Variants in SYNE1 observed in about 807,000 individuals in gnomAD.
SYNE1 encodes the protein nesprin-1.
Under a neutral mutation model 1,111.0 loss-of-function variants are expected in SYNE1, and 616 were observed. The observed-to-expected ratio is 0.55, with a 90% CI of 0.52 to 0.59. The LOEUF is 0.59. Ranked by LOEUF, SYNE1 falls within the 20% of genes least tolerant of loss-of-function variation. The probability of loss-of-function intolerance (pLI) is 0.00; values close to 1 mark genes in which losing one functional copy is unlikely to be tolerated. For synonymous variants in SYNE1, 3,855 were observed against 3,825.8 expected, an observed-to-expected ratio of 1.01 and a Z score of -0.28; for missense variants, 10,006 against 10,417.0, an observed-to-expected ratio of 0.96 and a Z score of 1.72.
At chr6:152,344,614 T>A (rs891727878) in intron 73 of SYNE1, among the ~76,000 whole-genome samples, 3 of 152,160 alleles carry the variant, frequency 2.0e-5, no homozygotes, top group African/African-American at 7.2e-5. Flanking sequence ...AGCTAGCAAC[T>A]AAAAGTAAAA....
chr6:152,472,855 C>T (rs1302006921), intron 14 of SYNE1, among the ~76,000 whole-genome samples: 1 of 152,112 alleles, frequency 6.6e-6, no homozygotes, highest in Admixed American at 6.5e-5. Context: ...TGAATGCATG[C>T]AGACTATTAT....
rs990136853 is a variant in SYNE1, at chr6:152,419,705, G to C, written c.5285C>G (p.Ser1762Cys). Residue 1762 changes from serine to cysteine, a missense_variant, in exon 40 of 146, where the codon TCT becomes TGT. Physicochemically the swap from Ser to Cys is moderately radical, Grantham distance 112 (BLOSUM62 -1). This residue lies in a region of SYNE1 where 1,971 missense variants were observed against 2,084.1 expected (regional missense o/e 0.95). Coordinates refer to ENST00000367255, the MANE Select transcript of SYNE1 (RefSeq NM_182961.4). ...AAATTGCTGGTGTTCAGCAACCACAGACTGAAGAAAATTAATCCTATGTAG... is the reference window on the plus strand; with the variant it reads ...AAATTGCTGGTGTTCAGCAACCACACACTGAAGAAAATTAATCCTATGTAG... ...IINKRINFLQ[S>C]VVAEHQQFDE... 1.9e-6 allele frequency: 3 copies of C among 1,614,022 alleles called. No individual in the cohort carries two copies. The highest frequency in any genetic ancestry group is 1.7e-4 in the Middle Eastern group (1 of 6,058).
chr6:152,385,607 A>T, intron 55 of SYNE1, 67 bp downstream of exon 55: 1 of 1,569,148 alleles, frequency 6.4e-7, no homozygotes, highest in South Asian at 1.1e-5. Flanking sequence ...TTATCTACAA[A>T]ATCTTTATCA....
At chr6:152,401,914 T>C (rs2097825316) in intron 46 of SYNE1, among the ~76,000 whole-genome samples, 1 of 152,204 alleles carries the variant, frequency 6.6e-6, no homozygotes, top group African/African-American at 2.4e-5. Context: ...ACAATCTCAA[T>C]TCCACAATTC....
In SYNE1 at chr6:152,636,474, G is replaced by A. The variant is rs553715961; in HGVS notation, c.-224+164C>T. Among the ~76,000 whole-genome samples, 8 of 152,160 alleles carry A rather than the reference G, an allele frequency of 5.3e-5. No homozygotes were observed. In the East Asian group the frequency reaches 1.6e-3, roughly 30 times the overall value. The stretch of plus-strand genomic sequence containing the variant: ...CTCCTTATCTATGAGTATCGCACAC[G>A]TACACACATCACTGCCACCACCCCC... On this transcript the variant is annotated intron_variant, in intron 2 of 145. Coordinates refer to ENST00000367255, the MANE Select transcript of SYNE1 (RefSeq NM_182961.4).
intron 70 of SYNE1, among the ~76,000 whole-genome samples, chr6:152,351,593 T>C (rs2096741447): frequency 6.6e-6 from 1 of 152,200 alleles, no homozygotes; most frequent in African/African-American, 2.4e-5. Context: ...CTAGAACTTA[T>C]TTTCTTATAA....
chr6:152,125,420 T>A, intron 145 of SYNE1: 1 of 1,494,048 alleles, frequency 6.7e-7, no homozygotes, highest in Admixed American at 2.2e-5. Flanking sequence ...GGACATTTTG[T>A]TTTGAGGCAG....
chr6:152,190,454 T>C (rs2071921644), intron 127 of SYNE1, among the ~76,000 whole-genome samples: 1 of 152,218 alleles, frequency 6.6e-6, no homozygotes. Context: ...AAAATAAAAT[T>C]TATTTTTAAT....
intron 140 of SYNE1, among the ~76,000 whole-genome samples, 171 bp downstream of exon 140, chr6:152,139,779 G>C (rs1339135848): frequency 8.1e-6 from 1 of 123,206 alleles, no homozygotes; most frequent in Non-Finnish European, 1.7e-5. Flanking sequence ...CATCTTTGTG[G>C]AATACAGGAA....
rs557623184 is a variant in SYNE1 at position 152,456,119 on chromosome 6, A to G, written c.2569-75T>C. The G allele has an allele frequency of 1.1e-5, 17 of 1,500,964 alleles. No homozygotes were observed. The South Asian group carries it at 2.0e-4, about 18-fold the overall frequency. The allele number at this position is 1,500,964 out of a possible 1,614,324, so 93.0% of individuals were successfully genotyped here. Reference sequence around the variant, plus strand: ...GAGAGAAAGAAAGAGAGTGACCATTACAGATAATAAGAACAACATTATATA... The same window carrying G: ...GAGAGAAAGAAAGAGAGTGACCATTGCAGATAATAAGAACAACATTATATA... On this transcript the variant is annotated intron_variant, in intron 22 of 145. Coordinates refer to ENST00000367255, the MANE Select transcript of SYNE1 (RefSeq NM_182961.4).
intron 22 of SYNE1, among the ~76,000 whole-genome samples, chr6:152,457,272 C>G (rs1411133319): frequency 1.3e-5 from 2 of 152,108 alleles, no homozygotes; most frequent in African/African-American, 4.8e-5. Context: ...GGTATTGTAG[C>G]CTTCATCTTA....
In SYNE1 at chr6:152,451,102, C is replaced by T. The variant is rs199888697; in HGVS notation, c.3131G>A (p.Arg1044Gln). The T allele has an allele frequency of 9.3e-6, 15 of 1,614,006 alleles. No individual in the cohort carries two copies. The Admixed American group carries it at 1.3e-4, about 14-fold the overall frequency. Residue 1044 changes from arginine (R) to glutamine (Q), a missense_variant, in exon 26 of 146, where the codon CGA (arginine) becomes CAA (glutamine). Transcript: ENST00000367255. ...TTCCTGGGGCATCAGCTTGGTCTCTCGATCCAGCTCAGTTCTGCATTCTTC... is the reference window on the plus strand; with the variant it reads ...TTCCTGGGGCATCAGCTTGGTCTCTTGATCCAGCTCAGTTCTGCATTCTTC... ...SVEECRTELD[R>Q]ETKLMPQEGS... is the part of the protein sequence containing the mutation.
At chr6:152,399,517 A>T (rs1217727428) in intron 48 of SYNE1, 99 bp downstream of exon 48, 1 of 1,419,516 alleles carries the variant, frequency 7.0e-7, no homozygotes, top group Non-Finnish European at 9.9e-7. Flanking sequence ...GACACCCTGG[A>T]AAGTTTCCTC....
chr6:152,157,912 C>T (rs1256648014), intron 131 of SYNE1, among the ~76,000 whole-genome samples: 2 of 152,078 alleles, frequency 1.3e-5, no homozygotes, highest in Admixed American at 1.3e-4. Context: ...GCGCCCACCA[C>T]CATGCCTGGC....
chr6:152,362,365 C>A, intron 63 of SYNE1, 42 bp from the exon 64 acceptor site: 2 of 1,613,544 alleles, frequency 1.2e-6, no homozygotes, highest in South Asian at 2.2e-5. Context: ...CATTGAGAAT[C>A]CTTAGGAGTC....
At chr6:152,483,672 C>T (rs1202058138) in intron 13 of SYNE1, among the ~76,000 whole-genome samples, 1 of 152,066 alleles carries the variant, frequency 6.6e-6, no homozygotes, top group Non-Finnish European at 1.5e-5. Flanking sequence ...TAAAACCTCC[C>T]ACGTGATCAG....
intron 77 of SYNE1, among the ~76,000 whole-genome samples, chr6:152,332,695 G>T (rs556801151): frequency 4.5e-4 from 69 of 152,316 alleles, no homozygotes; most frequent in African/African-American, 1.6e-3. Context: ...ATAACCAACA[G>T]ATCTAATGGC....
chr6:152,163,154 G>T (rs186058265), intron 131 of SYNE1, among the ~76,000 whole-genome samples: 1 of 152,116 alleles, frequency 6.6e-6, no homozygotes, highest in African/African-American at 2.4e-5. Flanking sequence ...CTCTAGCGGG[G>T]GATTTACAGT....
rs886262303 is a variant in SYNE1, at chr6:152,489,588, G to A, written c.940-1085C>T. ...AGAGGTAATCTATGTAGCATGTCCA[G>A]TACAGAGGTTGTCACATTCTCATGA... is the stretch of plus-strand genomic sequence containing the variant. On this transcript the variant is annotated intron_variant, in intron 11 of 145. Transcript: ENST00000367255. Among the ~76,000 whole-genome samples the A allele has an allele frequency of 4.7e-4, 72 of 151,654 alleles. 1 individual carries two copies. The highest frequency in any genetic ancestry group is 1.7e-3 in the African/African-American group (71 of 41,334).
Sources: gnomAD v4.1 joint callset for allele counts (sites outside exome capture counted in the v4.1 genomes callset) on GRCh38, gnomAD v4.1.1 for gene constraint, gnomAD v4.1.1 regional missense constraint, MANE v1.5 for transcripts, NCBI Gene and HGNC (gene_info 2026-07-23, HGNC 2026-07-21) for gene names.